Variants in ARHGAP42 observed in about 807,000 individuals in gnomAD.
The protein encoded by ARHGAP42 is Rho GTPase activating protein 42.
Under a neutral mutation model 125.0 loss-of-function variants are expected in ARHGAP42, and 63 were observed. That is an observed-to-expected ratio of 0.50 (90% confidence interval 0.41 to 0.62). The LOEUF is 0.62. Among genes scored for constraint, ARHGAP42 ranks in the 20% least tolerant of loss-of-function variants. The pLI is 0.00. For synonymous variants in ARHGAP42, 339 were observed against 351.0 expected (o/e 0.97, Z 0.38); for missense variants, 766 against 1,024.2 (o/e 0.75, Z 3.44).
At chr11:100,871,963 G>A (rs543763079) in intron 4 of ARHGAP42, among the ~76,000 whole-genome samples, 1 of 152,220 alleles carries the variant, frequency 6.6e-6, no homozygotes, top group Admixed American at 6.5e-5. Context: ...GGCTGGTCTC[G>A]AACTCCTGAC....
intron 2 of ARHGAP42, among the ~76,000 whole-genome samples, chr11:100,773,011 AT>A (rs1863019241): frequency 6.6e-6 from 1 of 151,958 alleles, no homozygotes; most frequent in Non-Finnish European, 1.5e-5. Context: ...TAATTTTTGT[AT>A]TTTTAGTAGA....
intron 16 of ARHGAP42, among the ~76,000 whole-genome samples, 165 bp downstream of exon 16, chr11:100,962,632 T>A (rs1309657068): frequency 1.3e-5 from 2 of 152,148 alleles, no homozygotes; most frequent in East Asian, 3.9e-4. Flanking sequence ...ATTCCAGCAC[T>A]TTGGGAGGCC....
chr11:100,756,881 G>C (rs374199589), intron 1 of ARHGAP42, among the ~76,000 whole-genome samples: 1 of 152,238 alleles, frequency 6.6e-6, no homozygotes, highest in Admixed American at 6.5e-5. Flanking sequence ...TAGCATTTTA[G>C]GTGAATGAGT....
At position 100,842,419 on chromosome 11, in the gene ARHGAP42, A is replaced by G. The variant is rs1864964561; in HGVS notation, c.313-17135A>G. On this transcript the variant is annotated intron_variant, in intron 3 of 23. Transcript: ENST00000298815. ...AATTACTTCTCTCATTAAACCATCC[A>G]TGACACTGAAAGTCCCAATATTGGA... Among the ~76,000 whole-genome samples, 2 of 152,164 alleles carry G rather than the reference A, an allele frequency of 1.3e-5. 1 individual carries two copies. Among genetic ancestry groups the G allele is most frequent in the South Asian group, 4.1e-4 (2 of 4,830 alleles).
intron 4 of ARHGAP42, among the ~76,000 whole-genome samples, chr11:100,902,792 A>G (rs939969870): frequency 2.0e-5 from 3 of 152,232 alleles, no homozygotes; most frequent in Admixed American, 1.3e-4. Context: ...GGAGTACTGC[A>G]CTGTCACCTC....
intron 1 of ARHGAP42, among the ~76,000 whole-genome samples, chr11:100,712,674 T>G (rs1031938788): frequency 6.6e-6 from 1 of 152,118 alleles, no homozygotes; most frequent in African/African-American, 2.4e-5. Context: ...CATGTGCGTG[T>G]GTTTGTGTGA....
intron 17 of ARHGAP42, among the ~76,000 whole-genome samples, chr11:100,967,759 G>A (rs1752420142): frequency 6.6e-6 from 1 of 152,038 alleles, no homozygotes; most frequent in South Asian, 2.1e-4. Context: ...CTGTCGCCAG[G>A]CTGGAGTGCA....
At chr11:100,844,829 A>T (rs532511238) in intron 3 of ARHGAP42, among the ~76,000 whole-genome samples, 12 of 152,262 alleles carry the variant, frequency 7.9e-5, no homozygotes, top group African/African-American at 2.9e-4. Context: ...GAACACTTCT[A>T]CACTGCTGGT....
rs936743096 is a variant in ARHGAP42 at position 100,717,724 on chromosome 11, G to A, written c.154+29892G>A. ...GCAGATCAATAGAGGTCAGGAGTTC[G>A]AGACCAGCCTGGCCAACATGGTGAA... is the stretch of plus-strand genomic sequence containing the variant. On this transcript the variant is annotated intron_variant, in intron 1 of 23. Coordinates refer to ENST00000298815, the MANE Select transcript of ARHGAP42 (RefSeq NM_152432.4). 3.4e-5 allele frequency among the ~76,000 whole-genome samples: 5 copies of A among 149,090 alleles called. No individual in the cohort carries two copies. In the East Asian group the frequency reaches 8.3e-4, roughly 25 times the overall value.
intron 3 of ARHGAP42, among the ~76,000 whole-genome samples, chr11:100,797,388 G>A (rs1253929881): frequency 2.0e-5 from 3 of 152,014 alleles, no homozygotes; most frequent in Admixed American, 6.5e-5. Flanking sequence ...TCAAAGGATG[G>A]GCTGACTCTC....
At position 100,907,022 on chromosome 11, in the gene ARHGAP42, T is replaced by C. The variant is rs370335548; in HGVS notation, c.385-6430T>C. 6.7e-4 allele frequency among the ~76,000 whole-genome samples: 102 copies of C among 152,330 alleles called. 2 individuals are homozygous for C. The South Asian group carries it at 0.021, about 31-fold the overall frequency. ...TTGAGAGATACACCCAGAAGTTGGTTCTTAGGACACACATATATGTCCCTT... is the reference window on the plus strand; with the variant it reads ...TTGAGAGATACACCCAGAAGTTGGTCCTTAGGACACACATATATGTCCCTT... On this transcript the variant is annotated intron_variant, in intron 4 of 23. Coordinates refer to ENST00000298815, the MANE Select transcript of ARHGAP42 (RefSeq NM_152432.4).
At chr11:100,903,887 A>G (rs1866645255) in intron 4 of ARHGAP42, among the ~76,000 whole-genome samples, 1 of 151,632 alleles carries the variant, frequency 6.6e-6, no homozygotes, top group African/African-American at 2.4e-5. Flanking sequence ...CCGATGTTCG[A>G]GGGCAGGAAG....
intron 10 of ARHGAP42, among the ~76,000 whole-genome samples, 169 bp from the exon 11 acceptor site, chr11:100,948,288 G>A (rs1377586230): frequency 1.3e-5 from 2 of 152,042 alleles, no homozygotes; most frequent in African/African-American, 4.8e-5. Context: ...TTTTCTGAAA[G>A]TATTATACTT....
chr11:100,913,101 A>G (rs1866968767), intron 4 of ARHGAP42, among the ~76,000 whole-genome samples: 1 of 152,150 alleles, frequency 6.6e-6, no homozygotes, highest in African/African-American at 2.4e-5. Flanking sequence ...ACTGGATCAG[A>G]ATCTATTGTT....
intron 12 of ARHGAP42, among the ~76,000 whole-genome samples, chr11:100,951,331 G>A (rs1239018290): frequency 6.6e-6 from 1 of 151,772 alleles, no homozygotes; most frequent in Non-Finnish European, 1.5e-5. Flanking sequence ...ATCCTTTATT[G>A]CCAACTTTTA....
rs182840052 is a variant in ARHGAP42 at position 100,688,250 on chromosome 11, T to G, written c.154+418T>G. On this transcript the variant is annotated intron_variant, in intron 1 of 23. Transcript: ENST00000298815. ...TAGTTTAGTGATATTGAAAGAAAAT[T>G]ATTAATGTCTCTCATACGTCAGTGG... Among the ~76,000 whole-genome samples the G allele has an allele frequency of 6.4e-4, 97 of 152,282 alleles. No homozygotes were observed. The East Asian group carries it at 0.015, about 24-fold the overall frequency.
At chr11:100,872,734 C>T (rs1014038142) in intron 4 of ARHGAP42, among the ~76,000 whole-genome samples, 2 of 152,134 alleles carry the variant, frequency 1.3e-5, no homozygotes, top group Non-Finnish European at 2.9e-5. Flanking sequence ...CCTTCTACCT[C>T]ATTCTCCTTT....
chr11:100,875,578 G>A (rs944867571), intron 4 of ARHGAP42, among the ~76,000 whole-genome samples: 2 of 152,148 alleles, frequency 1.3e-5, no homozygotes, highest in African/African-American at 2.4e-5. Context: ...GGCCGAGACG[G>A]GAAGGATGAG....
At position 100,921,241 on chromosome 11, in the gene ARHGAP42, ATATATTTTTTTTTTTTTTT is replaced by A. The variant is rs1286940488; in HGVS notation, c.487-251_487-233del. On this transcript the variant is annotated intron_variant, in intron 5 of 23. Transcript: ENST00000298815. Reference sequence around the variant, plus strand: ...TATATATATATATATATATATATATATATATTTTTTTTTTTTTTTTTTTTTTTTTTTTACTGCAATGGGT... The same window carrying A: ...TATATATATATATATATATATATATATTTTTTTTTTTTTACTGCAATGGGT... Among the ~76,000 whole-genome samples the A allele has an allele frequency of 1.4e-3, 36 of 25,112 alleles. No individual in the cohort carries two copies. The East Asian group carries it at 0.042, about 30-fold the overall frequency. 16.5% of individuals were successfully genotyped at this position (25,112 alleles called of 152,430 possible). A position where few individuals can be genotyped will look rare whatever the true frequency, so the allele number is the denominator to read the frequency against.
Sources: allele counts gnomAD v4.1 joint callset (sites outside exome capture counted in the v4.1 genomes callset), GRCh38; gene constraint gnomAD v4.1.1; transcripts MANE v1.5; gene names NCBI Gene and HGNC (gene_info 2026-07-23, HGNC 2026-07-21).